Variants in RLN2 observed in about 807,000 individuals in gnomAD.
The protein encoded by RLN2 is prorelaxin H2.
Under a neutral mutation model 7.3 loss-of-function variants are expected in RLN2, and 10 were observed. That is an observed-to-expected ratio of 1.36 (90% CI 0.84 to 2.31). The LOEUF (loss-of-function observed/expected upper bound fraction) is 2.31, where lower values mean the gene tolerates loss of function less well. Ranked by LOEUF, RLN2 falls within the 30% of genes most tolerant of loss-of-function variation. RLN2 has a pLI of 0.00. For synonymous variants in RLN2, 103 were observed against 82.3 expected, an observed-to-expected ratio of 1.25 and a Z score of -1.36; for missense variants, 298 against 217.6, an observed-to-expected ratio of 1.37 and a Z score of -2.32.
chr9:5,330,887 G>A, the RLN2 span, among the ~76,000 whole-genome samples: 1 of 151,270 alleles, frequency 6.6e-6, no homozygotes, highest in South Asian at 2.1e-4. Flanking sequence ...AAGAATCAAA[G>A]AGATGCAATG....
At chr9:5,306,488 G>C (rs775567885), upstream of RLN2, among the ~76,000 whole-genome samples, 1 of 152,004 alleles carries the variant, frequency 6.6e-6, no homozygotes, top group South Asian at 2.1e-4. Flanking sequence ...ATTGAGAGTT[G>C]TCATGCACTT....
chr9:5,334,810 G>C, the RLN2 span, among the ~76,000 whole-genome samples: 1 of 152,026 alleles, frequency 6.6e-6, no homozygotes, highest in Non-Finnish European at 1.5e-5. Context: ...GGTTTGCAAT[G>C]AGTAGTTCAA....
the RLN2 span, among the ~76,000 whole-genome samples, chr9:5,322,491 T>C: frequency 1.3e-5 from 2 of 152,074 alleles, no homozygotes; most frequent in Non-Finnish European, 2.9e-5. Flanking sequence ...GTTTTGCCTG[T>C]AGGAAGGAAA....
chr9:5,301,434 A>G (rs1360488344), intron 1 of RLN2, among the ~76,000 whole-genome samples: 2 of 152,204 alleles, frequency 1.3e-5, no homozygotes, highest in African/African-American at 4.8e-5. Context: ...CTTGCTCTCA[A>G]AAAGCTTACA....
At chr9:5,311,784 A>G in the RLN2 span, 2 of 751,124 alleles carry the variant, frequency 2.7e-6, no homozygotes, top group African/African-American at 3.6e-5. Context: ...TTTTTTTATC[A>G]AGTTTTATAA....
the RLN2 span, among the ~76,000 whole-genome samples, chr9:5,332,130 C>T: frequency 3.3e-5 from 5 of 151,806 alleles, no homozygotes; most frequent in African/African-American, 9.7e-5. Flanking sequence ...AACTGATCTA[C>T]GTGTGTGGAA....
chr9:5,334,291 CTTAAG>C, the RLN2 span, among the ~76,000 whole-genome samples: 23 of 152,152 alleles, frequency 1.5e-4, no homozygotes, highest in Admixed American at 1.4e-3. Context: ...CCAAAAGCTT[CTTAAG>C]TTGAGAAGCA....
the RLN2 span, among the ~76,000 whole-genome samples, chr9:5,327,488 A>G: frequency 6.6e-6 from 1 of 152,076 alleles, no homozygotes; most frequent in Non-Finnish European, 1.5e-5. Context: ...ATAGTAGAAC[A>G]AAAGGCAGCA....
chr9:5,324,851 G>T, the RLN2 span, among the ~76,000 whole-genome samples: 1 of 151,924 alleles, frequency 6.6e-6, no homozygotes, highest in Non-Finnish European at 1.5e-5. Context: ...CATAAACAAA[G>T]GTGAAGACAC....
At chr9:5,321,094 T>G in the RLN2 span, among the ~76,000 whole-genome samples, 4 of 152,162 alleles carry the variant, frequency 2.6e-5, no homozygotes, top group Non-Finnish European at 5.9e-5. Context: ...TAAAGCAGAA[T>G]TTTTGAAAAT....
chr9:5,315,173 T>G, the RLN2 span, among the ~76,000 whole-genome samples: 1 of 151,796 alleles, frequency 6.6e-6, no homozygotes, highest in African/African-American at 2.4e-5. Flanking sequence ...ATAATAATCT[T>G]AAGGAAACTC....
the RLN2 span, among the ~76,000 whole-genome samples, chr9:5,324,725 C>T: frequency 2.6e-5 from 4 of 152,086 alleles, no homozygotes; most frequent in South Asian, 8.3e-4. Context: ...AGTACGCAAC[C>T]TTGCCTTTTC....
chr9:5,327,361 G>C, the RLN2 span, among the ~76,000 whole-genome samples: 42 of 151,984 alleles, frequency 2.8e-4, no homozygotes, highest in African/African-American at 9.9e-4. Context: ...CACCATTGCT[G>C]AGGCTTGAGT....
At chr9:5,307,310 T>TGATA (rs147650385), upstream of RLN2, among the ~76,000 whole-genome samples, 1 of 145,042 alleles carries the variant, frequency 6.9e-6, no homozygotes, top group Non-Finnish European at 1.5e-5. Flanking sequence ...GATAGATAGA[T>TGATA]GATAGATAGA....
At chr9:5,304,798 C>G, upstream of RLN2, 1 of 585,910 alleles carries the variant, frequency 1.7e-6, no homozygotes, top group Non-Finnish European at 3.1e-6. Context: ...GAATTTTCCC[C>G]CTCAGCTCTT....
chr9:5,321,717 G>A, the RLN2 span, among the ~76,000 whole-genome samples: 232 of 151,900 alleles, frequency 1.5e-3, 5 homozygotes, highest in African/African-American at 5.3e-3. Flanking sequence ...GTGGCTTGGA[G>A]GCATCTGCCT....
the RLN2 span, chr9:5,335,544 C>T: frequency 3.7e-6 from 6 of 1,612,282 alleles, no homozygotes; most frequent in Non-Finnish European, 5.1e-6. Flanking sequence ...GCAATGAATT[C>T]CAACATGATA....
the RLN2 span, among the ~76,000 whole-genome samples, chr9:5,309,956 A>C: frequency 2.6e-5 from 4 of 152,120 alleles, no homozygotes; most frequent in South Asian, 8.3e-4. Context: ...CTGTAATTAA[A>C]GACCCTGTGA....
At chr9:5,301,905 A>G (rs1262517559) in intron 1 of RLN2, among the ~76,000 whole-genome samples, 1 of 152,206 alleles carries the variant, frequency 6.6e-6, no homozygotes, top group Non-Finnish European at 1.5e-5. Flanking sequence ...TAAACTGGAA[A>G]TGACAGATGA....
Sources: allele counts gnomAD v4.1 joint callset (sites outside exome capture counted in the v4.1 genomes callset), GRCh38; gene constraint gnomAD v4.1.1; transcripts MANE v1.5; gene names NCBI Gene and HGNC (gene_info 2026-07-23, HGNC 2026-07-21).